SPTBN5: variants seen among roughly 807,000 people sequenced by gnomAD.
SPTBN5 encodes spectrin beta, non-erythrocytic 5, also known as spectrin beta chain, non-erythrocytic 5.
A neutral mutation model predicts 477.6 loss-of-function variants in SPTBN5; 513 were observed. The ratio of observed to expected loss-of-function variants is 1.07; its 90% confidence interval spans 1.00 to 1.16. The LOEUF is 1.16. Among genes scored for constraint, SPTBN5 ranks in the 50% most tolerant of loss-of-function variants. The pLI is 0.00. For synonymous variants in SPTBN5, 2,169 were observed against 2,011.7 expected (o/e 1.08, Z -2.09); for missense variants, 5,062 against 4,731.8 (o/e 1.07, Z -2.05).
intron 61 of SPTBN5, 36 bp downstream of exon 61, chr15:41,852,598 C>T: frequency 6.3e-7 from 1 of 1,594,128 alleles, no homozygotes; most frequent in Non-Finnish European, 8.6e-7. Flanking sequence ...ACTGTTCCCC[C>T]ACCAGCCCTC....
rs150236230 is a variant in SPTBN5 at position 41,869,872 on chromosome 15, C to A, written c.5822G>T (p.Arg1941Leu). Residue 1941 changes from arginine (R) to leucine (L), a missense_variant, in exon 32 of 68, where the codon CGG becomes CTG. Arg to Leu is a moderately radical substitution (Grantham distance 102, BLOSUM62 -2). Transcript: ENST00000320955. Reference protein sequence around the residue: ...RMEQRRAQLERARLLARFRTA... With the variant: ...RMEQRRAQLELARLLARFRTA... ...GCGGAAGCGGGCCAGGAGGCGTGCC[C>A]GCTCCAGCTGGGCCCTGCGCTGCTC... 1.3e-6 allele frequency: 2 copies of A among 1,555,666 alleles called. No individual in the cohort carries two copies. The highest frequency in any genetic ancestry group is 2.0e-5 in the Admixed American group (1 of 50,722).
chr15:41,874,544 C>T, intron 23 of SPTBN5, 66 bp from the exon 24 acceptor site: 1 of 1,368,424 alleles, frequency 7.3e-7, no homozygotes, highest in Non-Finnish European at 9.8e-7. Context: ...CTGGTTCTTT[C>T]CTTGGCCAAG....
chr15:41,871,783 A>G lies in SPTBN5; in HGVS notation c.5300T>C (p.Leu1767Pro). ...CCTTGACCCTGGCCCTCTTCTCACC[A>G]GGGCGTGCTCGGGGTCCTCTCCCAG... is the stretch of plus-strand genomic sequence containing the variant. Reference protein sequence around the residue: ...ESLGEDPEHALHLCTKFAKFQ... With the variant: ...ESLGEDPEHAPHLCTKFAKFQ... The change falls in exon 28 of 68, where the codon CTG (leucine) becomes CCG (proline). Residue 1767 changes from leucine (L) to proline (P), a missense_variant and splice_region_variant. Physicochemically the swap from Leu to Pro is moderately conservative, Grantham distance 98 (BLOSUM62 -3). Transcript: ENST00000320955. The G allele has an allele frequency of 1.3e-6, 2 of 1,582,746 alleles. No homozygotes were observed. Among genetic ancestry groups the G allele is most frequent in the Non-Finnish European group, 1.7e-6 (2 of 1,163,974 alleles).
In SPTBN5 at chr15:41,882,549, G is replaced by C. The variant is rs780098903; in HGVS notation, c.2046+36C>G. 17 of 1,595,478 alleles carry C rather than the reference G, an allele frequency of 1.1e-5. No homozygotes were observed. In the Middle Eastern group the frequency reaches 8.3e-4, roughly 78 times the overall value. ...GGGGCCCGAGAGGGAAGGGCAAGGC[G>C]CTGGCGACCGGCGGGCGCGCTCGGG... is the stretch of plus-strand genomic sequence containing the variant. On this transcript the variant is annotated intron_variant, in intron 10 of 67. Coordinates refer to ENST00000320955, the MANE Select transcript of SPTBN5 (RefSeq NM_016642.4).
In SPTBN5 at chr15:41,858,618, TGTTG is replaced by T; in HGVS notation, c.8206_8209del (p.Gln2736SerfsTer74). On this transcript the variant is annotated frameshift_variant, in exon 49 of 68. Transcript: ENST00000320955. LOFTEE classifies it high-confidence loss of function. ...GGGCCTCACCCGCTGCAGCTCCTGC[TGTTG>T]GTGCATGCTCGCGTCCAGCTCCGCC... The T allele has an allele frequency of 6.2e-7, 1 of 1,611,466 alleles. No individual in the cohort carries two copies. Among genetic ancestry groups the T allele is most frequent in the Non-Finnish European group, 8.5e-7 (1 of 1,179,502 alleles).
intron 67 of SPTBN5, 55 bp from the exon 68 acceptor site, chr15:41,848,683 C>CAA: frequency 6.3e-7 from 1 of 1,599,664 alleles, no homozygotes; most frequent in Non-Finnish European, 8.6e-7. Context: ...GAATCTTCTC[C>CAA]AAACAAACAC....
At chr15:41,852,780 G>GGGGGC in intron 60 of SPTBN5, 44 bp downstream of exon 60, 1 of 1,472,618 alleles carries the variant, frequency 6.8e-7, no homozygotes, top group Non-Finnish European at 9.4e-7. Context: ...GGGGGGGGGG[G>GGGGGC]CCCAGAGCCT....
chr15:41,870,070 A>G, intron 31 of SPTBN5, 50 bp from the exon 32 acceptor site: 1 of 1,452,704 alleles, frequency 6.9e-7, no homozygotes, highest in African/African-American at 1.4e-5. Flanking sequence ...CCTCCTGATT[A>G]TCCCACAGAT....
At position 41,851,067 on chromosome 15, in the gene SPTBN5, G is replaced by C. The variant is rs371965468; in HGVS notation, c.10827C>G (p.Phe3609Leu). 1 of 1,612,216 alleles carries C rather than the reference G, an allele frequency of 6.2e-7. No homozygotes were observed. The highest frequency in any genetic ancestry group is 1.1e-5 in the South Asian group (1 of 90,776). The stretch of plus-strand genomic sequence containing the variant: ...CATGTCTCTCCGCTCACCTTAAGGA[G>C]AATGTGTGTTTCCTGCCGTGGCGGC... ...LRGRHGRKHTFSLRLTSGAEI... is the reference protein window; with the variant it reads ...LRGRHGRKHTLSLRLTSGAEI... The change falls in exon 65 of 68, where the codon TTC (phenylalanine) becomes TTG (leucine). Residue 3609 changes from phenylalanine (F) to leucine (L), a missense_variant. Physicochemically the swap from Phe to Leu is conservative, Grantham distance 22. Coordinates refer to ENST00000320955, the MANE Select transcript of SPTBN5 (RefSeq NM_016642.4).
chr15:41,862,675 G>A lies in SPTBN5; in HGVS notation c.7264-15C>T, dbSNP rs764537160. On this transcript the variant is annotated splice_polypyrimidine_tract_variant and intron_variant, in intron 42 of 67. Transcript: ENST00000320955. Reference sequence around the variant, plus strand: ...CGCTCTAGGGACTGCGGGGGAAGCCGGGGTCAGAGGCTGGGGCAGGGGAGC... The same window carrying A: ...CGCTCTAGGGACTGCGGGGGAAGCCAGGGTCAGAGGCTGGGGCAGGGGAGC... The A allele has an allele frequency of 1.6e-5, 24 of 1,546,074 alleles. No homozygotes were observed. The highest frequency in any genetic ancestry group is 3.6e-5 in the South Asian group (3 of 84,456).
Position 41,887,390 on chromosome 15 carries a change from G to GT in SPTBN5, c.710dup (p.Asn237LysfsTer10). 1 of 1,554,422 alleles carries GT rather than the reference G, an allele frequency of 6.4e-7. No individual in the cohort carries two copies. ...CAGCCACCAGGAAAGCAAAAGCAAGGTTGTGCAGTGGGCGGTCTGGACGCA... is the reference window on the plus strand; with the variant it reads ...CAGCCACCAGGAAAGCAAAAGCAAGGTTTGTGCAGTGGGCGGTCTGGACGCA... On this transcript the variant is annotated frameshift_variant, in exon 6 of 68. Coordinates refer to ENST00000320955, the MANE Select transcript of SPTBN5 (RefSeq NM_016642.4). LOFTEE classifies it high-confidence loss of function.
At chr15:41,860,562 C>A in intron 47 of SPTBN5, 24 bp downstream of exon 47, 1 of 1,373,744 alleles carries the variant, frequency 7.3e-7, no homozygotes. Flanking sequence ...CCCACAGCAC[C>A]CCTCACCCCA....
Position 41,853,947 on chromosome 15 carries a change from A to C in SPTBN5, c.9774+103T>G, listed in dbSNP as rs1446099762. 2.7e-6 allele frequency: 4 copies of C among 1,456,024 alleles called. No individual in the cohort carries two copies. In the East Asian group the frequency reaches 9.9e-5, roughly 36 times the overall value. The allele number at this position is 1,456,024 out of a possible 1,614,324, so 90.2% of individuals were successfully genotyped here. On this transcript the variant is annotated intron_variant, in intron 57 of 67. Transcript: ENST00000320955. ...CGGGGAAGGATCTGGGTTTCTGGAG[A>C]AGAGGCTGAAGCAGGCTGGGGTGGG...
intron 3 of SPTBN5, 186 bp downstream of exon 3, chr15:41,892,708 A>C (rs1264442204): frequency 1.6e-6 from 1 of 618,776 alleles, no homozygotes; most frequent in African/African-American, 1.9e-5. Context: ...GTGCTCTCCA[A>C]GTCAGGGGTG....
chr15:41,861,175 G>A (rs1315082046), intron 46 of SPTBN5, among the ~76,000 whole-genome samples: 1 of 152,242 alleles, frequency 6.6e-6, no homozygotes, highest in Non-Finnish European at 1.5e-5. Context: ...GCAAGAATGG[G>A]TCAGGCCCAC....
At chr15:41,858,574 C>T in intron 49 of SPTBN5, 28 bp downstream of exon 49, 1 of 1,602,276 alleles carries the variant, frequency 6.2e-7, no homozygotes, top group Non-Finnish European at 8.5e-7. Flanking sequence ...AGAGCTGTCC[C>T]ACCACCCTCC....
rs770499493 is a variant in SPTBN5 at position 41,855,673 on chromosome 15, C to T, written c.9094G>A (p.Glu3032Lys). The T allele has an allele frequency of 2.0e-4, 321 of 1,605,354 alleles. No homozygotes were observed. The highest frequency in any genetic ancestry group is 2.6e-4 in the Non-Finnish European group (308 of 1,177,830). ...CGCCGCAGAAGGGCCTGTGTGGCTT[C>T]AGCACTGTGGCCCATGTCCTCGCTG... The part of the protein sequence containing the change: ...LDSEDMGHSA[E>K]ATQALLRRLE... The change falls in exon 54 of 68, where the codon GAA (glutamate) becomes AAA (lysine). Residue 3032 changes from glutamate (E) to lysine (K), a missense_variant. Coordinates refer to ENST00000320955, the MANE Select transcript of SPTBN5 (RefSeq NM_016642.4).
At chr15:41,857,524 G>A (rs1567188560) in intron 50 of SPTBN5, 30 bp from the exon 51 acceptor site, 2 of 1,601,910 alleles carry the variant, frequency 1.2e-6, no homozygotes, top group Non-Finnish European at 1.7e-6. Flanking sequence ...AGGCAGGAGG[G>A]GAGTGTCCTG....
At chr15:41,850,405 C>G in intron 66 of SPTBN5, 1 of 225,924 alleles carries the variant, frequency 4.4e-6, no homozygotes, top group South Asian at 8.8e-5. Flanking sequence ...ATATATTCCT[C>G]CAAGTAGAAC....
Sources: allele counts gnomAD v4.1 joint callset (sites outside exome capture counted in the v4.1 genomes callset), GRCh38; gene constraint gnomAD v4.1.1; transcripts MANE v1.5; gene names NCBI Gene and HGNC (gene_info 2026-07-23, HGNC 2026-07-21).